KIF13A: variants seen among roughly 807,000 people sequenced by gnomAD.
KIF13A encodes kinesin-like protein KIF13A.
Under a neutral mutation model 212.2 loss-of-function variants are expected in KIF13A, and 79 were observed. That is an observed-to-expected ratio of 0.37 (90% CI 0.31 to 0.45). The LOEUF (loss-of-function observed/expected upper bound fraction) is 0.45. Among genes scored for constraint, KIF13A ranks in the 20% least tolerant of loss-of-function variants. KIF13A has a pLI of 1.00. For synonymous variants in KIF13A, 789 were observed against 808.6 expected, an observed-to-expected ratio of 0.98 and a Z score of 0.41; for missense variants, 1,901 against 2,209.0, an observed-to-expected ratio of 0.86 and a Z score of 2.79.
downstream of KIF13A, among the ~76,000 whole-genome samples, chr6:17,763,488 A>AAG (rs936403714): frequency 2.1e-5 from 3 of 146,264 alleles, no homozygotes; most frequent in Non-Finnish European, 4.4e-5. Flanking sequence ...AAAAAAAAAA[A>AAG]AAAAAAAGAA....
rs1765161825 is a variant in KIF13A at position 17,828,473 on chromosome 6, T to C, written c.1402-103A>G. 1.1e-6 allele frequency: 1 copy of C among 909,298 alleles called. No individual in the cohort carries two copies. The highest frequency in any genetic ancestry group is 1.7e-5 in the African/African-American group (1 of 59,504). The allele number at this position is 909,298 out of a possible 1,614,324, so 56.3% of individuals were successfully genotyped here. On this transcript the variant is annotated intron_variant, in intron 13 of 38. Transcript: ENST00000259711. This position sits in a 1 kb window ranked among gnomAD's most constrained non-coding sequence, Gnocchi z 4.3. ...TAACGCAGCAGCATATGCACAAAAA[T>C]ATTAAACGAATCCTGCCAGAGATGT...
intron 2 of KIF13A, among the ~76,000 whole-genome samples, chr6:17,970,232 A>C (rs1475904811): frequency 6.6e-6 from 1 of 152,002 alleles, no homozygotes; most frequent in African/African-American, 2.4e-5. Context: ...GTGTTTTCTT[A>C]AATAAGGGAT....
chr6:17,893,620 A>C (rs1772265081), intron 3 of KIF13A, among the ~76,000 whole-genome samples: 1 of 152,028 alleles, frequency 6.6e-6, no homozygotes. Flanking sequence ...CTGTCAATGC[A>C]CAATATAAGT....
intron 2 of KIF13A, among the ~76,000 whole-genome samples, chr6:17,976,672 G>A (rs916435731): frequency 4.6e-5 from 7 of 152,178 alleles, no homozygotes; most frequent in African/African-American, 1.4e-4. Context: ...CTCAAGTGCC[G>A]CCAAAGTGGG....
At chr6:17,977,155 C>G (rs184142231) in intron 2 of KIF13A, among the ~76,000 whole-genome samples, 5 of 150,836 alleles carry the variant, frequency 3.3e-5, no homozygotes, top group Admixed American at 2.0e-4. Context: ...CATTCCCAGG[C>G]TCCACCCTAG....
In KIF13A at chr6:17,942,901, C is replaced by T. The variant is rs558278372; in HGVS notation, c.146+44153G>A. On this transcript the variant is annotated intron_variant, in intron 2 of 38. Transcript: ENST00000259711. ...GGCTGAGGAAGGAGAACTGCTTGAG[C>T]CTGGGAGATGGAGGTTGCAGTGAGC... Among the ~76,000 whole-genome samples the T allele has an allele frequency of 1.5e-3, 231 of 152,150 alleles. 1 individual carries two copies. Among genetic ancestry groups the T allele is most frequent in the African/African-American group, 5.4e-3 (223 of 41,522 alleles).
rs1775527284 is a variant in KIF13A at position 17,926,676 on chromosome 6, T to G, written c.147-28496A>C. ...ACTAATAAGAAGGAGACTGAAATTT[T>G]CTTTGACGTAAAAATTACTTATAAT... On this transcript the variant is annotated intron_variant, in intron 2 of 38. Coordinates refer to ENST00000259711, the MANE Select transcript of KIF13A (RefSeq NM_022113.6). The surrounding 1 kb of genome is among the most constrained non-coding windows in gnomAD (Gnocchi z 4.3). Among the ~76,000 whole-genome samples, 1 of 152,230 alleles carries G rather than the reference T, an allele frequency of 6.6e-6. No individual in the cohort carries two copies. The highest frequency in any genetic ancestry group is 6.5e-5 in the Admixed American group (1 of 15,280).
At chr6:17,889,786 C>A (rs567080733) in intron 3 of KIF13A, among the ~76,000 whole-genome samples, 2 of 152,110 alleles carry the variant, frequency 1.3e-5, no homozygotes, top group African/African-American at 4.8e-5. Flanking sequence ...AAGCTCTCCC[C>A]CTGGACGGTT....
At position 17,837,656 on chromosome 6, in the gene KIF13A, A is replaced by T; in HGVS notation, c.831-73T>A. ...TTAAGTATAAAATATGCAGAACAATAAAGCTCCACAGTTAATACACGTTGG... is the reference window on the plus strand; with the variant it reads ...TTAAGTATAAAATATGCAGAACAATTAAGCTCCACAGTTAATACACGTTGG... On this transcript the variant is annotated intron_variant, in intron 9 of 38. Transcript: ENST00000259711. The surrounding 1 kb of genome is among the most constrained non-coding windows in gnomAD (Gnocchi z 5.4). 1 of 1,043,808 alleles carries T rather than the reference A, an allele frequency of 9.6e-7. No individual in the cohort carries two copies. Among genetic ancestry groups the T allele is most frequent in the Non-Finnish European group, 1.4e-6 (1 of 692,138 alleles). 64.7% of individuals were successfully genotyped at this position (1,043,808 alleles called of 1,614,324 possible). A position where few individuals can be genotyped will look rare whatever the true frequency, so the allele number is the denominator to read the frequency against.
intron 2 of KIF13A, among the ~76,000 whole-genome samples, chr6:17,901,814 C>T (rs1164937590): frequency 6.6e-6 from 1 of 152,172 alleles, no homozygotes; most frequent in Non-Finnish European, 1.5e-5. Context: ...TCAGATTCAA[C>T]ATAAACCATA....
In KIF13A at chr6:17,789,152, T is replaced by C. The variant is rs1161951830; in HGVS notation, c.3261+720A>G. Among the ~76,000 whole-genome samples the C allele has an allele frequency of 2.6e-5, 4 of 152,190 alleles. No individual in the cohort carries two copies. The highest frequency in any genetic ancestry group is 1.5e-5 in the Non-Finnish European group (1 of 68,034). ...CATCTTGGTTTGCTGCTTTGACTAT[T>C]TGTACGTAACCCCACACTCCATGAT... On this transcript the variant is annotated intron_variant, in intron 26 of 38. Transcript: ENST00000259711. The surrounding 1 kb of genome is among the most constrained non-coding windows in gnomAD (Gnocchi z 4.8).
intron 2 of KIF13A, among the ~76,000 whole-genome samples, chr6:17,929,081 A>C (rs892945916): frequency 6.6e-6 from 1 of 151,686 alleles, no homozygotes; most frequent in Non-Finnish European, 1.5e-5. Flanking sequence ...AAAAAAAAAA[A>C]AACAAAGGAG....
At position 17,914,647 on chromosome 6, in the gene KIF13A, T is replaced by A. The variant is rs990728443; in HGVS notation, c.147-16467A>T. ...CGACTCTAGTCACGGGTCACAGGCA[T>A]CAGGTAAAGTGTGTGGCAGGGTCTC... On this transcript the variant is annotated intron_variant, in intron 2 of 38. Coordinates refer to ENST00000259711, the MANE Select transcript of KIF13A (RefSeq NM_022113.6). The surrounding 1 kb of genome is among the most constrained non-coding windows in gnomAD (Gnocchi z 5.9). Among the ~76,000 whole-genome samples, 15 of 152,078 alleles carry A rather than the reference T, an allele frequency of 9.9e-5. No homozygotes were observed. The highest frequency in any genetic ancestry group is 9.2e-4 in the Admixed American group (14 of 15,262).
chr6:17,766,219 G>GATTGATTGATTTATTTATTTATTT (rs1554158989), intron 38 of KIF13A, among the ~76,000 whole-genome samples: 6 of 144,656 alleles, frequency 4.1e-5, no homozygotes, highest in African/African-American at 1.5e-4. Context: ...TTATTTTTAA[G>GATTGATTGATTTATTTATTTATTT]ATTTATTTAT....
At chr6:17,903,711 G>A (rs1380373675) in intron 2 of KIF13A, among the ~76,000 whole-genome samples, 45 of 152,154 alleles carry the variant, frequency 3.0e-4, no homozygotes, top group Non-Finnish European at 2.9e-5. Flanking sequence ...AGACTGACAG[G>A]CAGGGATGTG....
chr6:17,763,159 T>G (rs988194450), downstream of KIF13A, among the ~76,000 whole-genome samples: 1 of 152,176 alleles, frequency 6.6e-6, no homozygotes, highest in Non-Finnish European at 1.5e-5. Context: ...TTAGTAATAG[T>G]GGCAAAAACT....
chr6:17,970,267 T>C (rs1412935031), intron 2 of KIF13A, among the ~76,000 whole-genome samples: 2 of 152,156 alleles, frequency 1.3e-5, no homozygotes, highest in African/African-American at 4.8e-5. Context: ...TTAGAACAGT[T>C]TTTGATCCAT....
chr6:17,919,362 G>GA lies in KIF13A; in HGVS notation c.147-21183dup, dbSNP rs1201053470. On this transcript the variant is annotated intron_variant, in intron 2 of 38. Transcript: ENST00000259711. The surrounding 1 kb of genome is among the most constrained non-coding windows in gnomAD (Gnocchi z 4.1). ...TTAATGCTGCTAAAATAAGACCATT[G>GA]AGAGAATTTCAAAAGTTATATTAAT... Among the ~76,000 whole-genome samples the GA allele has an allele frequency of 6.6e-6, 1 of 152,160 alleles. No individual in the cohort carries two copies. Among genetic ancestry groups the GA allele is most frequent in the African/African-American group, 2.4e-5 (1 of 41,430 alleles).
chr6:17,885,182 C>T (rs1771432990), intron 3 of KIF13A, among the ~76,000 whole-genome samples: 1 of 152,026 alleles, frequency 6.6e-6, no homozygotes. Context: ...TGAAAGGAAA[C>T]CCCAGCACCA....
Sources: gnomAD v4.1 joint callset for allele counts (sites outside exome capture counted in the v4.1 genomes callset) on GRCh38, gnomAD v4.1.1 for gene constraint, Gnocchi (gnomAD v3.1) non-coding constraint, MANE v1.5 for transcripts, NCBI Gene and HGNC (gene_info 2026-07-23, HGNC 2026-07-21) for gene names.